KCTD16: variants seen among roughly 807,000 people sequenced by gnomAD.
KCTD16 encodes the protein potassium channel tetramerization domain containing 16.
KCTD16 carries 13 observed loss-of-function variants against 33.2 expected under a neutral mutation model. The ratio of observed to expected loss-of-function variants is 0.39; its 90% CI spans 0.25 to 0.62. The LOEUF (loss-of-function observed/expected upper bound fraction) is 0.62. Ranked by LOEUF, KCTD16 falls within the 20% of genes least tolerant of loss-of-function variation. The pLI is 0.50. For synonymous variants in KCTD16, 197 were observed against 195.3 expected (o/e 1.01, Z -0.07); for missense variants, 441 against 525.1 (o/e 0.84, Z 1.57).
chr5:144,407,393 A>C (rs1487403070), intron 3 of KCTD16, among the ~76,000 whole-genome samples: 1 of 151,774 alleles, frequency 6.6e-6, no homozygotes. Flanking sequence ...ATTTGAAAAA[A>C]CTTAGGTTCA....
At chr5:144,421,529 C>G (rs1753209579) in intron 3 of KCTD16, among the ~76,000 whole-genome samples, 2 of 152,082 alleles carry the variant, frequency 1.3e-5, no homozygotes, top group African/African-American at 4.8e-5. Context: ...CCATCTGGTT[C>G]CTTGGACTCA....
intron 3 of KCTD16, among the ~76,000 whole-genome samples, chr5:144,322,735 A>G (rs900894050): frequency 3.9e-5 from 6 of 152,012 alleles, no homozygotes; most frequent in Non-Finnish European, 8.8e-5. Flanking sequence ...ATTAAAAAAA[A>G]AAAAAACAAA....
intron 3 of KCTD16, among the ~76,000 whole-genome samples, chr5:144,291,191 C>G (rs1755887074): frequency 6.6e-6 from 1 of 152,162 alleles, no homozygotes; most frequent in Admixed American, 6.5e-5. Flanking sequence ...CTGCCTAAAA[C>G]CCTGCCTCAT....
Position 144,299,124 on chromosome 5 carries a change from ATATATATATATATATATATATATATTT to A in KCTD16, c.832+91580_832+91606del, listed in dbSNP as rs1235092940. ...TATATATATATATATATATATATAT[ATATATATATATATATATATATATATTT>A]TTTTTTTTTTTTTTAACCTGTCACT... On this transcript the variant is annotated intron_variant, in intron 3 of 3. Transcript: ENST00000512467. Among the ~76,000 whole-genome samples, 151 of 23,004 alleles carry A rather than the reference ATATATATATATATATATATATATATTT, an allele frequency of 6.6e-3. 10 individuals carry two copies. The East Asian group carries it at 0.1, about 15-fold the overall frequency. 15.1% of individuals were successfully genotyped at this position (23,004 alleles called of 152,430 possible). A position where few individuals can be genotyped will look rare whatever the true frequency, so the allele number is the denominator to read the frequency against.
intron 3 of KCTD16, among the ~76,000 whole-genome samples, chr5:144,221,332 T>C (rs1753741586): frequency 6.6e-6 from 1 of 152,268 alleles, no homozygotes; most frequent in East Asian, 1.9e-4. Context: ...GTTTGTTACA[T>C]AGGTATACAC....
At chr5:144,188,750 GA>G (rs1752780711) in intron 2 of KCTD16, among the ~76,000 whole-genome samples, 1 of 152,220 alleles carries the variant, frequency 6.6e-6, no homozygotes, top group Non-Finnish European at 1.5e-5. Flanking sequence ...GAGTGGAAAA[GA>G]GTCAGGTGAG....
intron 3 of KCTD16, among the ~76,000 whole-genome samples, chr5:144,252,497 A>C (rs1263928626): frequency 6.6e-6 from 1 of 152,182 alleles, no homozygotes; most frequent in African/African-American, 2.4e-5. Flanking sequence ...AAAGTAGATG[A>C]ATAATAAATA....
Position 144,458,144 on chromosome 5 carries a change from T to C in KCTD16, c.833-15516T>C, listed in dbSNP as rs150886130. ...ATGACAAATTTATTTATTTAAGTGGTTGTAGGAGGCCAAGCACCAAGCAGA... is the reference window on the plus strand; with the variant it reads ...ATGACAAATTTATTTATTTAAGTGGCTGTAGGAGGCCAAGCACCAAGCAGA... On this transcript the variant is annotated intron_variant, in intron 3 of 3. Transcript: ENST00000512467. Among the ~76,000 whole-genome samples the C allele has an allele frequency of 1.9e-3, 284 of 152,192 alleles. 1 individual carries two copies. Among genetic ancestry groups the C allele is most frequent in the Non-Finnish European group, 3.1e-3 (213 of 67,992 alleles).
rs1470442515 is a variant in KCTD16 at position 144,485,017 on chromosome 5, GT to G, written c.*10905del. 1 of 151,908 alleles carries G rather than the reference GT, an allele frequency of 6.6e-6. No homozygotes were observed. Among genetic ancestry groups the G allele is most frequent in the African/African-American group, 2.4e-5 (1 of 41,392 alleles). The allele number at this position is 151,908 out of a possible 1,614,324, so 9.4% of individuals were successfully genotyped here. A position where few individuals can be genotyped will look rare whatever the true frequency, so the allele number is the denominator to read the frequency against. The stretch of plus-strand genomic sequence containing the variant: ...ATGAATGCATGTCTACATGTCGTCA[GT>G]TCTCAGCAGCTCAGTTATTCAGCAA... On this transcript the variant is annotated 3_prime_UTR_variant, in exon 4 of 4. Transcript: ENST00000512467.
intron 2 of KCTD16, among the ~76,000 whole-genome samples, chr5:144,200,592 G>C (rs1309394133): frequency 6.6e-6 from 1 of 152,186 alleles, no homozygotes; most frequent in Non-Finnish European, 1.5e-5. Context: ...TCTTTAAGGG[G>C]AGATGGTTTC....
intron 3 of KCTD16, among the ~76,000 whole-genome samples, chr5:144,366,647 A>G (rs1469748859): frequency 6.6e-6 from 1 of 152,176 alleles, no homozygotes; most frequent in Non-Finnish European, 1.5e-5. Flanking sequence ...TCTTTTAAGC[A>G]TAATCCCTGG....
At chr5:144,283,417 A>C (rs1297959308) in intron 3 of KCTD16, among the ~76,000 whole-genome samples, 3 of 152,224 alleles carry the variant, frequency 2.0e-5, no homozygotes, top group African/African-American at 7.2e-5. Context: ...TAGTTGGAAT[A>C]ATCATTTCAT....
chr5:144,370,790 T>C (rs539794921), intron 3 of KCTD16, among the ~76,000 whole-genome samples: 7 of 152,290 alleles, frequency 4.6e-5, no homozygotes, highest in African/African-American at 1.7e-4. Flanking sequence ...CTGGAGTCAC[T>C]TCCATTGTAT....
At chr5:144,187,805 GT>G (rs1402480028) in intron 2 of KCTD16, among the ~76,000 whole-genome samples, 1 of 152,176 alleles carries the variant, frequency 6.6e-6, no homozygotes, top group Non-Finnish European at 1.5e-5. Context: ...TGTGTTAAAT[GT>G]TTGAGGAAAG....
At chr5:144,261,179 A>G (rs536500729) in intron 3 of KCTD16, among the ~76,000 whole-genome samples, 5 of 150,902 alleles carry the variant, frequency 3.3e-5, no homozygotes, top group Admixed American at 1.3e-4. Context: ...AAAAAAAAAA[A>G]AAAAAGAAAA....
intron 3 of KCTD16, among the ~76,000 whole-genome samples, chr5:144,413,858 T>A (rs1482174853): frequency 6.6e-6 from 1 of 152,182 alleles, no homozygotes; most frequent in Non-Finnish European, 1.5e-5. Context: ...GAGCATCGAT[T>A]TAAGAATCTG....
chr5:144,351,633 C>T (rs1342405017), intron 3 of KCTD16, among the ~76,000 whole-genome samples: 1 of 152,014 alleles, frequency 6.6e-6, no homozygotes, highest in East Asian at 1.9e-4. Flanking sequence ...TTCACAATAG[C>T]CAACATATAA....
At chr5:144,351,244 T>A (rs1348153402) in intron 3 of KCTD16, among the ~76,000 whole-genome samples, 1 of 152,206 alleles carries the variant, frequency 6.6e-6, no homozygotes, top group Non-Finnish European at 1.5e-5. Context: ...GTGAAGGTGC[T>A]AACAGATTTG....
At chr5:144,345,740 A>G (rs1340040585) in intron 3 of KCTD16, among the ~76,000 whole-genome samples, 2 of 152,132 alleles carry the variant, frequency 1.3e-5, no homozygotes, top group Non-Finnish European at 2.9e-5. Context: ...TAGTAGGTGT[A>G]TCTATTTTTG....
Sources: gnomAD v4.1 joint callset for allele counts (sites outside exome capture counted in the v4.1 genomes callset) on GRCh38, gnomAD v4.1.1 for gene constraint, MANE v1.5 for transcripts, NCBI Gene and HGNC (gene_info 2026-07-23, HGNC 2026-07-21) for gene names.